Variants in ITGAM observed in about 807,000 individuals in gnomAD.
ITGAM encodes the protein integrin subunit alpha M.
Under a neutral mutation model 137.5 loss-of-function variants are expected in ITGAM, and 79 were observed. The observed-to-expected ratio is 0.57, with a 90% confidence interval of 0.48 to 0.69. The LOEUF is 0.69. Among genes scored for constraint, ITGAM ranks in the 30% least tolerant of loss-of-function variants. The pLI is 0.00. For synonymous variants in ITGAM, 583 were observed against 592.3 expected, an observed-to-expected ratio of 0.98 and a Z score of 0.23; for missense variants, 1,343 against 1,483.5, an observed-to-expected ratio of 0.91 and a Z score of 1.56.
intron 5 of ITGAM, among the ~76,000 whole-genome samples, chr16:31,270,699 G>GTCTA (rs1477833816): frequency 3.8e-5 from 1 of 25,998 alleles, no homozygotes; most frequent in Non-Finnish European, 7.8e-5. Context: ...GTGTGTGTGT[G>GTCTA]TATATATATA....
At chr16:31,296,822 TATG>T (rs1398727797) in intron 12 of ITGAM, among the ~76,000 whole-genome samples, 1 of 152,230 alleles carries the variant, frequency 6.6e-6, no homozygotes, top group Non-Finnish European at 1.5e-5. Context: ...TGAATGAATG[TATG>T]ATTAAATAGG....
Position 31,329,830 on chromosome 16 carries a change from C to T in ITGAM, c.2901C>T (p.Ile967=). The T allele has an allele frequency of 1.3e-6, 2 of 1,561,036 alleles. No individual in the cohort carries two copies. The highest frequency in any genetic ancestry group is 1.7e-6 in the Non-Finnish European group (2 of 1,152,440). The change falls in exon 25 of 30, where the codon ATC becomes ATT. Residue 967 remains isoleucine, a synonymous_variant. Transcript: ENST00000544665. ...VSNLGQRSLP[I]SLVFLVPVRL... is the part of the protein sequence containing the mutation. The stretch of plus-strand genomic sequence containing the variant: ...ACCTGGGGCAGAGGAGCCTCCCCAT[C>T]AGCCTGGTGTTCTTGGTGCCCGTCC...
chr16:31,262,814 T>C (rs562082061), intron 2 of ITGAM, among the ~76,000 whole-genome samples: 43 of 152,324 alleles, frequency 2.8e-4, no homozygotes, highest in African/African-American at 9.4e-4. Context: ...GTGGAGGTGA[T>C]AGTACCTTTC....
chr16:31,267,310 T>A lies in ITGAM; in HGVS notation c.427+1163T>A, dbSNP rs566357199. Among the ~76,000 whole-genome samples the A allele has an allele frequency of 3.9e-5, 6 of 152,266 alleles. No homozygotes were observed. In the South Asian group the frequency reaches 1.2e-3, roughly 32 times the overall value. ...ATGTTTCTCCCTTGCATTTTTTTTC[T>A]TTCTCAAGCCCTGTTCCTCTATATT... On this transcript the variant is annotated intron_variant, in intron 5 of 29. Transcript: ENST00000544665.
At chr16:31,263,371 G>A (rs566628359) in intron 2 of ITGAM, among the ~76,000 whole-genome samples, 4 of 152,358 alleles carry the variant, frequency 2.6e-5, no homozygotes, top group Admixed American at 2.6e-4. Context: ...GGCTAGGACT[G>A]GGATTGTGGT....
intron 9 of ITGAM, among the ~76,000 whole-genome samples, 174 bp from the exon 10 acceptor site, chr16:31,276,497 A>C (rs1054734217): frequency 6.6e-6 from 1 of 151,960 alleles, no homozygotes; most frequent in Non-Finnish European, 1.5e-5. Flanking sequence ...ACGCCCAGCT[A>C]ATTTTTGTAT....
chr16:31,321,461 T>G lies in ITGAM; in HGVS notation c.1839-3T>G. The G allele has an allele frequency of 6.2e-7, 1 of 1,613,924 alleles. No individual in the cohort carries two copies. On this transcript the variant is annotated splice_region_variant and splice_polypyrimidine_tract_variant and intron_variant, in intron 15 of 29. Coordinates refer to ENST00000544665, the MANE Select transcript of ITGAM (RefSeq NM_000632.4). ...CCCTGATGGTTTTCTGGTGTCCCTT[T>G]AGGTCCCAGCCAGTACTGAGAGTCA... is the stretch of plus-strand genomic sequence containing the variant.
At chr16:31,299,166 T>TA (rs2080169356) in intron 14 of ITGAM, among the ~76,000 whole-genome samples, 1 of 152,240 alleles carries the variant, frequency 6.6e-6, no homozygotes, top group African/African-American at 2.4e-5. Context: ...TACTGTCATC[T>TA]ATTGGTGCAA....
At chr16:31,261,829 G>C (rs1340284117) in intron 2 of ITGAM, 32 bp downstream of exon 2, 4 of 1,412,816 alleles carry the variant, frequency 2.8e-6, no homozygotes, top group Non-Finnish European at 4.0e-6. Context: ...CCCTTTCTCA[G>C]TGCTTTCTCT....
At chr16:31,319,969 C>T (rs1387139189) in intron 14 of ITGAM, among the ~76,000 whole-genome samples, 1 of 152,042 alleles carries the variant, frequency 6.6e-6, no homozygotes, top group Admixed American at 6.6e-5. Flanking sequence ...CCCACCACCT[C>T]TCCTGGCTAA....
chr16:31,306,976 G>C lies in ITGAM; in HGVS notation c.1707+9022G>C, dbSNP rs184022598. 2.9e-3 allele frequency among the ~76,000 whole-genome samples: 440 copies of C among 151,996 alleles called. 1 individual carries two copies. The highest frequency in any genetic ancestry group is 0.01 in the African/African-American group (423 of 41,488). On this transcript the variant is annotated intron_variant, in intron 14 of 29. Coordinates refer to ENST00000544665, the MANE Select transcript of ITGAM (RefSeq NM_000632.4). Reference sequence around the variant, plus strand: ...TGTTGTCTGAAAAACACACATAAACGCAAGTGAGACTAAAAGTTGTGTCAC... The same window carrying C: ...TGTTGTCTGAAAAACACACATAAACCCAAGTGAGACTAAAAGTTGTGTCAC...
At chr16:31,309,635 A>G (rs1003940193) in intron 14 of ITGAM, among the ~76,000 whole-genome samples, 139 of 152,168 alleles carry the variant, frequency 9.1e-4, no homozygotes, top group African/African-American at 3.2e-3. Flanking sequence ...TTTAATTGGA[A>G]CATTAAGCCC....
intron 5 of ITGAM, among the ~76,000 whole-genome samples, chr16:31,270,730 TATATATATATATATG>T (rs1473147377): frequency 1.6e-4 from 18 of 112,138 alleles, no homozygotes; most frequent in Non-Finnish European, 2.9e-4. Context: ...TATATATATA[TATATATATATATATG>T]TTTTTAACGT....
At chr16:31,288,340 A>G (rs2080050726) in intron 12 of ITGAM, among the ~76,000 whole-genome samples, 1 of 152,174 alleles carries the variant, frequency 6.6e-6, no homozygotes, top group South Asian at 2.1e-4. Flanking sequence ...GGACCCATAT[A>G]TTAGACTTAT....
In ITGAM at chr16:31,265,761, C is replaced by A. The variant is rs765198066; in HGVS notation, c.239-50C>A. ...TGACCCCTGCCCAGCTCTTCCACAG[C>A]CTTCTCTGTCCCCCCACCAGGGTGA... On this transcript the variant is annotated intron_variant, in intron 3 of 29. Coordinates refer to ENST00000544665, the MANE Select transcript of ITGAM (RefSeq NM_000632.4). 2.4e-5 allele frequency: 37 copies of A among 1,538,732 alleles called. No homozygotes were observed. The Middle Eastern group carries it at 1.1e-3, about 46-fold the overall frequency.
rs555939346 is a variant in ITGAM at position 31,328,640 on chromosome 16, CAT to C, written c.2792+413_2792+414del. On this transcript the variant is annotated intron_variant, in intron 23 of 29. Transcript: ENST00000544665. ...GTGTGTCTGGGCATGGGTGTGTGTG[CAT>C]ATGTGTGTGTCTGAGGATATATGTG... 2.4e-4 allele frequency among the ~76,000 whole-genome samples: 31 copies of C among 130,114 alleles called. No individual in the cohort carries two copies. The East Asian group carries it at 6.7e-3, about 28-fold the overall frequency. 85.4% of individuals were successfully genotyped at this position (130,114 alleles called of 152,430 possible).
At chr16:31,291,210 T>A (rs1388419509) in intron 12 of ITGAM, among the ~76,000 whole-genome samples, 1 of 152,234 alleles carries the variant, frequency 6.6e-6, no homozygotes, top group Non-Finnish European at 1.5e-5. Context: ...TGTGCACATG[T>A]ACCACATTTT....
chr16:31,299,868 T>TC (rs1567266694), intron 14 of ITGAM, among the ~76,000 whole-genome samples: 6 of 129,386 alleles, frequency 4.6e-5, no homozygotes, highest in South Asian at 2.9e-4. Context: ...TCCTCCTCCT[T>TC]CTTCTTTTTT....
intron 20 of ITGAM, 44 bp downstream of exon 20, chr16:31,325,448 A>T: frequency 1.2e-6 from 2 of 1,612,838 alleles, no homozygotes; most frequent in Non-Finnish European, 1.7e-6. Context: ...TTGCTTCCCC[A>T]TCCTCACGGC....
Sources: allele counts gnomAD v4.1 joint callset (sites outside exome capture counted in the v4.1 genomes callset), GRCh38; gene constraint gnomAD v4.1.1; transcripts MANE v1.5; gene names NCBI Gene and HGNC (gene_info 2026-07-23, HGNC 2026-07-21).